Variants in CPQ observed in about 807,000 individuals in gnomAD.
CPQ encodes Ser-Met dipeptidase.
CPQ carries 37 observed loss-of-function variants against 45.7 expected under a neutral mutation model. The ratio of observed to expected loss-of-function variants is 0.81; its 90% CI spans 0.62 to 1.07. CPQ has a LOEUF of 1.07. Among genes scored for constraint, CPQ ranks in the 50% least tolerant of loss-of-function variants. The pLI is 0.00. For missense variants in CPQ, 537 were observed against 572.9 expected (o/e 0.94, Z 0.64); for synonymous variants, 186 against 205.8 (o/e 0.90, Z 0.82).
chr8:96,674,752 T>C (rs773020845), intron 1 of CPQ, among the ~76,000 whole-genome samples: 5 of 152,150 alleles, frequency 3.3e-5, no homozygotes, highest in Non-Finnish European at 7.4e-5. Flanking sequence ...TCGTTTTGTT[T>C]TTGGTAAAAT....
chr8:97,120,712 T>TGGTAC (rs1811686871), intron 7 of CPQ, among the ~76,000 whole-genome samples: 1 of 152,238 alleles, frequency 6.6e-6, no homozygotes, highest in African/African-American at 2.4e-5. Flanking sequence ...TAATGTTCCT[T>TGGTAC]GGTACTTACA....
rs955685816 is a variant in CPQ at position 96,771,081 on chromosome 8, TATATATATATTATATATATATAA to T, written c.-34-13771_-34-13749del. Reference sequence around the variant, plus strand: ...ATTGTGGTAGTTCAGGTTGAAGCAATATATATATATTATATATATATAAATATATATATTTATATATTTTAATG... The same window carrying T: ...ATTGTGGTAGTTCAGGTTGAAGCAATATATATATATTTATATATTTTAATG... On this transcript the variant is annotated intron_variant, in intron 1 of 7. Coordinates refer to ENST00000220763, the MANE Select transcript of CPQ (RefSeq NM_016134.4). Among the ~76,000 whole-genome samples, 207 of 146,798 alleles carry T rather than the reference TATATATATATTATATATATATAA, an allele frequency of 1.4e-3. 4 individuals are homozygous for T. The highest frequency in any genetic ancestry group is 0.011 in the Admixed American group (155 of 14,594).
At chr8:97,062,593 T>C (rs537570962) in intron 6 of CPQ, among the ~76,000 whole-genome samples, 100 of 152,214 alleles carry the variant, frequency 6.6e-4, no homozygotes, top group Non-Finnish European at 1.0e-3. Flanking sequence ...CTAGTACCCA[T>C]TAGTTATTTT....
Position 96,803,857 on chromosome 8 carries a change from C to T in CPQ, c.433+18527C>T, listed in dbSNP as rs141065409. On this transcript the variant is annotated intron_variant, in intron 2 of 7. Transcript: ENST00000220763. The stretch of plus-strand genomic sequence containing the variant: ...GGCAAGGGCTGCCTGTAATCTGTCT[C>T]CCAAGTCCTGAAGATAGCACCTGCC... 2.0e-4 allele frequency among the ~76,000 whole-genome samples: 30 copies of T among 152,292 alleles called. 1 individual carries two copies. The East Asian group carries it at 5.8e-3, about 29-fold the overall frequency.
intron 4 of CPQ, among the ~76,000 whole-genome samples, chr8:96,916,620 A>G (rs1812736255): frequency 1.3e-5 from 2 of 152,148 alleles, no homozygotes; most frequent in Non-Finnish European, 2.9e-5. Context: ...CAATTAATGA[A>G]CAAATATTGA....
intron 3 of CPQ, among the ~76,000 whole-genome samples, chr8:96,856,606 A>G (rs1272503923): frequency 6.6e-6 from 1 of 152,184 alleles, no homozygotes; most frequent in Non-Finnish European, 1.5e-5. Flanking sequence ...GTATGTGTAT[A>G]TAAATATTGA....
chr8:97,092,760 T>C (rs907480372), intron 7 of CPQ: 5 of 152,088 alleles, frequency 3.3e-5, no homozygotes, highest in African/African-American at 1.2e-4. Flanking sequence ...ACATTGGCCC[T>C]GGCAAAGACT....
chr8:96,859,114 A>G (rs1367088060), intron 3 of CPQ, among the ~76,000 whole-genome samples: 1 of 152,234 alleles, frequency 6.6e-6, no homozygotes, highest in Non-Finnish European at 1.5e-5. Context: ...TCTACTAGGC[A>G]GATCAGGTTG....
intron 3 of CPQ, among the ~76,000 whole-genome samples, chr8:96,865,685 CG>C (rs909237747): frequency 1.3e-5 from 2 of 151,956 alleles, no homozygotes; most frequent in Non-Finnish European, 2.9e-5. Context: ...AAAATAGACC[CG>C]TGGGGTTTGA....
chr8:96,979,896 G>C (rs376390645), intron 5 of CPQ, among the ~76,000 whole-genome samples: 1 of 152,086 alleles, frequency 6.6e-6, no homozygotes, highest in East Asian at 1.9e-4. Flanking sequence ...GCTGATGCTT[G>C]GCCCATGTGC....
intron 6 of CPQ, among the ~76,000 whole-genome samples, chr8:97,052,757 T>G (rs1170425414): frequency 6.6e-6 from 1 of 152,194 alleles, no homozygotes; most frequent in Non-Finnish European, 1.5e-5. Flanking sequence ...GAGCATCTTA[T>G]TCCATTATTG....
chr8:96,932,276 A>C (rs1323640044), intron 4 of CPQ, among the ~76,000 whole-genome samples: 2 of 152,174 alleles, frequency 1.3e-5, no homozygotes, highest in African/African-American at 4.8e-5. Context: ...AATTTACTTA[A>C]AAGTTTGTAT....
intron 7 of CPQ, among the ~76,000 whole-genome samples, chr8:97,141,697 C>G (rs112648339): frequency 6.4e-4 from 97 of 151,998 alleles, no homozygotes; most frequent in African/African-American, 2.1e-3. Context: ...GGTAGCAGCA[C>G]GTAATAGAAA....
At chr8:96,736,080 G>T (rs1809979241) in intron 1 of CPQ, among the ~76,000 whole-genome samples, 1 of 152,090 alleles carries the variant, frequency 6.6e-6, no homozygotes, top group East Asian at 1.9e-4. Flanking sequence ...GAAGAGAAAT[G>T]GATGATATGG....
chr8:96,911,215 C>G (rs1228966686), intron 4 of CPQ, among the ~76,000 whole-genome samples: 1 of 152,106 alleles, frequency 6.6e-6, no homozygotes, highest in African/African-American at 2.4e-5. Flanking sequence ...CAAAACAAAA[C>G]AAAACATATA....
chr8:96,648,650 A>G (rs927421017), intron 1 of CPQ, among the ~76,000 whole-genome samples: 1 of 152,210 alleles, frequency 6.6e-6, no homozygotes, highest in African/African-American at 2.4e-5. Context: ...TCTGCAAACA[A>G]TTGCACCACA....
intron 4 of CPQ, among the ~76,000 whole-genome samples, chr8:96,915,603 C>T (rs1308552655): frequency 6.6e-6 from 1 of 152,142 alleles, no homozygotes; most frequent in Non-Finnish European, 1.5e-5. Flanking sequence ...TCACAGTTGT[C>T]TGACTGTGTC....
chr8:96,943,707 G>A (rs958077797), intron 4 of CPQ, among the ~76,000 whole-genome samples: 5 of 152,238 alleles, frequency 3.3e-5, no homozygotes, highest in South Asian at 4.1e-4. Context: ...GAAGGGCATC[G>A]TGGGGTCATA....
chr8:97,097,786 C>A (rs1312133485), intron 7 of CPQ, among the ~76,000 whole-genome samples: 1 of 151,714 alleles, frequency 6.6e-6, no homozygotes, highest in Non-Finnish European at 1.5e-5. Context: ...GGAACCTCTG[C>A]AACTGGTTGC....
Sources: allele counts gnomAD v4.1 joint callset (sites outside exome capture counted in the v4.1 genomes callset), GRCh38; gene constraint gnomAD v4.1.1; transcripts MANE v1.5; gene names NCBI Gene and HGNC (gene_info 2026-07-23, HGNC 2026-07-21).